The following JAK2 variants were observed in gnomAD, a reference collection of about 807,000 sequenced individuals.
JAK2 encodes tyrosine-protein kinase JAK2.
A neutral mutation model predicts 139.3 loss-of-function variants in JAK2; 86 were observed. The observed-to-expected ratio is 0.62, with a 90% CI of 0.52 to 0.74. The LOEUF (loss-of-function observed/expected upper bound fraction) is 0.74. JAK2 is among the 30% of genes least tolerant of loss of function. The probability of loss-of-function intolerance (pLI) is 0.00; values close to 1 mark genes in which losing one functional copy is unlikely to be tolerated. For synonymous variants in JAK2, 490 were observed against 437.7 expected (o/e 1.12, Z -1.49); for missense variants, 1,421 against 1,360.3 (o/e 1.04, Z -0.70).
At position 5,090,501 on chromosome 9, in the gene JAK2, CTA is replaced by C; in HGVS notation, c.2819_2820del (p.Tyr940SerfsTer5). The C allele has an allele frequency of 6.3e-7, 1 of 1,589,848 alleles. No individual in the cohort carries two copies. Among genetic ancestry groups the C allele is most frequent in the Non-Finnish European group, 8.6e-7 (1 of 1,167,530 alleles). On this transcript the variant is annotated frameshift_variant, in exon 21 of 25. Transcript: ENST00000381652. LOFTEE classifies it high-confidence loss of function. ...EYLPYGSLRDYLQKHKERIDH... is the reference protein window; with the variant it reads ...EYLPYGSLRDXLQKHKERIDH... ...ATTTACCATATGGAAGTTTACGAGA[CTA>C]TCTTCAAAAACATAAAGAACGGATA...
intron 22 of JAK2, chr9:5,108,314 T>G (rs1822143053): frequency 1.3e-5 from 2 of 152,102 alleles, no homozygotes; most frequent in Admixed American, 6.5e-5. Flanking sequence ...CCCTAATTAT[T>G]ATTATCACCC....
At chr9:5,042,162 G>A (rs1300606912) in intron 4 of JAK2, among the ~76,000 whole-genome samples, 1 of 129,340 alleles carries the variant, frequency 7.7e-6, no homozygotes, top group African/African-American at 3.0e-5. Context: ...ACGGAGTCTC[G>A]CTTTGTCGCC....
At chr9:5,095,237 T>G (rs1820898711) in intron 22 of JAK2, among the ~76,000 whole-genome samples, 1 of 151,664 alleles carries the variant, frequency 6.6e-6, no homozygotes, top group Non-Finnish European at 1.5e-5. Context: ...ATTAATCCAT[T>G]AGCTCAACTT....
chr9:5,063,375 C>A (rs1279139790), intron 8 of JAK2, among the ~76,000 whole-genome samples: 3 of 152,266 alleles, frequency 2.0e-5, no homozygotes, highest in African/African-American at 7.2e-5. Context: ...TGGAGAAGTA[C>A]CTCTTCGATC....
chr9:5,074,930 G>C lies in JAK2; in HGVS notation c.1864+1145G>C, dbSNP rs1001928038. 2.6e-5 allele frequency among the ~76,000 whole-genome samples: 4 copies of C among 152,196 alleles called. No homozygotes were observed. The South Asian group carries it at 8.3e-4, about 32-fold the overall frequency. On this transcript the variant is annotated intron_variant, in intron 14 of 24. Transcript: ENST00000381652. ...TTATGAATCCAAAGGAAAAGTCCTT[G>C]AAGGAAACTGAAAGTGCTACTCCTG...
chr9:5,046,566 T>G (rs1240501017), intron 5 of JAK2, among the ~76,000 whole-genome samples: 1 of 152,232 alleles, frequency 6.6e-6, no homozygotes, highest in Non-Finnish European at 1.5e-5. Flanking sequence ...CATTTTGAGT[T>G]AATTTTTGTC....
chr9:5,046,212 C>G (rs542357192), intron 5 of JAK2, among the ~76,000 whole-genome samples: 6 of 152,188 alleles, frequency 3.9e-5, no homozygotes, highest in African/African-American at 1.4e-4. Flanking sequence ...ATTTGTTTAT[C>G]TTCTTTGCAG....
chr9:5,074,082 A>G (rs924815734), intron 14 of JAK2, among the ~76,000 whole-genome samples: 3 of 152,214 alleles, frequency 2.0e-5, no homozygotes, highest in Non-Finnish European at 4.4e-5. Flanking sequence ...CAGGTTCAAC[A>G]TAACATTGGA....
At chr9:5,045,403 T>C (rs1816932702) in intron 5 of JAK2, among the ~76,000 whole-genome samples, 1 of 152,168 alleles carries the variant, frequency 6.6e-6, no homozygotes. Context: ...TTTATTTTTA[T>C]TGTGGTAAGA....
At chr9:5,106,387 A>T (rs906094985) in intron 22 of JAK2, among the ~76,000 whole-genome samples, 1 of 152,216 alleles carries the variant, frequency 6.6e-6, no homozygotes, top group African/African-American at 2.4e-5. Context: ...CATTAAAAAG[A>T]CAGGAAACAA....
At chr9:5,022,911 C>G (rs1351060388) in intron 3 of JAK2, among the ~76,000 whole-genome samples, 3 of 152,082 alleles carry the variant, frequency 2.0e-5, no homozygotes, top group Non-Finnish European at 4.4e-5. Flanking sequence ...AATTAAATGT[C>G]TAATATAGTA....
intron 5 of JAK2, among the ~76,000 whole-genome samples, chr9:5,046,631 G>A (rs765148590): frequency 1.3e-5 from 2 of 152,102 alleles, no homozygotes; most frequent in Admixed American, 1.3e-4. Context: ...AGTTTTCCTA[G>A]CACCATTTGT....
At chr9:5,113,091 C>T (rs560076105) in intron 22 of JAK2, among the ~76,000 whole-genome samples, 56 of 151,996 alleles carry the variant, frequency 3.7e-4, no homozygotes, top group Non-Finnish European at 5.4e-4. Context: ...TCACTGCCCT[C>T]GCTCCCCCTG....
chr9:5,039,970 T>C (rs1171921645), intron 4 of JAK2, among the ~76,000 whole-genome samples: 2 of 152,122 alleles, frequency 1.3e-5, no homozygotes, highest in African/African-American at 4.8e-5. Flanking sequence ...AATCATAAAT[T>C]TATATAAAAA....
intron 23 of JAK2, among the ~76,000 whole-genome samples, chr9:5,123,888 C>CTTT (rs543606211): frequency 7.0e-6 from 1 of 142,154 alleles, no homozygotes; most frequent in African/African-American, 2.6e-5. Flanking sequence ...AATTTTTTCT[C>CTTT]TTTTTTTTTT....
At chr9:4,988,983 T>G (rs1423140620) in intron 2 of JAK2, among the ~76,000 whole-genome samples, 1 of 152,194 alleles carries the variant, frequency 6.6e-6, no homozygotes, top group African/African-American at 2.4e-5. Context: ...TTCCTGAGCC[T>G]AGAATATTGA....
Position 5,022,053 on chromosome 9 carries a change from TG to T in JAK2, c.68del (p.Gly23ValfsTer10). On this transcript the variant is annotated frameshift_variant, in exon 3 of 25. Coordinates refer to ENST00000381652, the MANE Select transcript of JAK2 (RefSeq NM_004972.4). LOFTEE classifies it high-confidence loss of function. ...GTSTSSIYQN[G>X]DISGNANSMK... Reference sequence around the variant, plus strand: ...CATCCACCTCTTCTATATATCAGAATGGTGATATTTCTGGAAATGCCAATTC... The same window carrying T: ...CATCCACCTCTTCTATATATCAGAATGTGATATTTCTGGAAATGCCAATTC... The T allele has an allele frequency of 6.2e-7, 1 of 1,614,090 alleles. No homozygotes were observed. Among genetic ancestry groups the T allele is most frequent in the Non-Finnish European group, 8.5e-7 (1 of 1,179,918 alleles).
At chr9:5,079,375 A>T (rs552056291) in intron 16 of JAK2, among the ~76,000 whole-genome samples, 2 of 152,352 alleles carry the variant, frequency 1.3e-5, no homozygotes, top group South Asian at 4.1e-4. Context: ...ATCAAAGACC[A>T]CAGAAACTTT....
intron 22 of JAK2, among the ~76,000 whole-genome samples, chr9:5,104,685 C>T (rs1345155985): frequency 6.6e-6 from 1 of 152,212 alleles, no homozygotes; most frequent in Admixed American, 6.5e-5. Context: ...CCCAATCCAG[C>T]AGCACATCCA....
Sources: allele counts gnomAD v4.1 joint callset (sites outside exome capture counted in the v4.1 genomes callset), GRCh38; gene constraint gnomAD v4.1.1; transcripts MANE v1.5; gene names NCBI Gene and HGNC (gene_info 2026-07-23, HGNC 2026-07-21).